The following MTFR2 variants were observed in gnomAD, a reference collection of about 807,000 sequenced individuals.
MTFR2 encodes the protein DUF729 domain-containing protein 1.
MTFR2 carries 44 observed loss-of-function variants against 41.2 expected under a neutral mutation model. That is an observed-to-expected ratio of 1.07 (90% CI 0.84 to 1.37). The LOEUF is 1.37. MTFR2 is among the 40% of genes most tolerant of loss of function. The probability of loss-of-function intolerance (pLI) is 0.00; values close to 1 mark genes in which losing one functional copy is unlikely to be tolerated. For missense variants in MTFR2, 452 were observed against 459.5 expected (o/e 0.98, Z 0.15); for synonymous variants, 141 against 154.6 (o/e 0.91, Z 0.65).
At chr6:136,232,575 A>G (rs1436846939) in intron 7 of MTFR2, among the ~76,000 whole-genome samples, 5 of 152,110 alleles carry the variant, frequency 3.3e-5, no homozygotes, top group Non-Finnish European at 5.9e-5. Context: ...GGCTCAATGC[A>G]TCTGAGTTTT....
rs377582788 is a variant in MTFR2, at chr6:136,240,721, T to A, written c.514+723A>T. ...ATAACTAAAAACTATAAACATATGA[T>A]GCCTCAAACCTATATCCTCTTTCAA... On this transcript the variant is annotated intron_variant, in intron 5 of 7. Transcript: ENST00000420702. Among the ~76,000 whole-genome samples the A allele has an allele frequency of 2.8e-4, 43 of 152,326 alleles. 1 individual carries two copies. The South Asian group carries it at 7.5e-3, about 26-fold the overall frequency.
At chr6:136,244,142 G>A (rs1583972808) in intron 3 of MTFR2, among the ~76,000 whole-genome samples, 2 of 152,064 alleles carry the variant, frequency 1.3e-5, no homozygotes, top group African/African-American at 4.8e-5. Context: ...TTGAAGAAAG[G>A]GTTTTTGTAT....
rs200860543 is a variant in MTFR2 at position 136,244,782 on chromosome 6, G to A, written c.151C>T (p.Arg51Ter). The change falls in exon 3 of 8, where the codon CGA becomes TGA. Residue 51 changes from arginine to a stop codon, truncating the protein, a stop_gained. Coordinates refer to ENST00000420702, the MANE Select transcript of MTFR2 (RefSeq NM_001099286.3). LOFTEE classifies it high-confidence loss of function. The part of the protein sequence containing the change: ...IGKMLPLEPC[R>*]RPNFELIPLL... ...TGACTTACCTCAAAATTAGGTCTTC[G>A]ACAAGGTTCCAGTGGAAGCATTTTC... is the stretch of plus-strand genomic sequence containing the variant. 1.1e-5 allele frequency: 18 copies of A among 1,611,274 alleles called. No homozygotes were observed. The Admixed American group carries it at 1.5e-4, about 13-fold the overall frequency.
chr6:136,246,812 A>G (rs886585130), intron 2 of MTFR2, among the ~76,000 whole-genome samples: 1 of 152,234 alleles, frequency 6.6e-6, no homozygotes, highest in Non-Finnish European at 1.5e-5. Flanking sequence ...CAAAACGACA[A>G]TATTTAGAAA....
intron 6 of MTFR2, among the ~76,000 whole-genome samples, chr6:136,234,972 C>T (rs891795263): frequency 6.6e-6 from 1 of 152,322 alleles, no homozygotes; most frequent in East Asian, 1.9e-4. Context: ...CTGCAACCTC[C>T]GCCTCCCGGG....
intron 6 of MTFR2, among the ~76,000 whole-genome samples, chr6:136,238,493 G>A (rs2128457697): frequency 6.6e-6 from 1 of 152,152 alleles, no homozygotes; most frequent in Non-Finnish European, 1.5e-5. Flanking sequence ...TATAGAAGTA[G>A]AAAGAAGAAT....
intron 6 of MTFR2, among the ~76,000 whole-genome samples, chr6:136,238,704 ACAC>A (rs1779969466): frequency 6.6e-6 from 1 of 151,786 alleles, no homozygotes; most frequent in Admixed American, 6.6e-5. Flanking sequence ...ACACACACAC[ACAC>A]ATGGAACTCA....
At chr6:136,243,475 G>A in intron 3 of MTFR2, among the ~76,000 whole-genome samples, 1 of 152,124 alleles carries the variant, frequency 6.6e-6, no homozygotes, top group East Asian at 1.9e-4. Flanking sequence ...GGGAGGCCAA[G>A]GCAGGAGGAT....
At chr6:136,242,413 T>C (rs966750288) in intron 4 of MTFR2, among the ~76,000 whole-genome samples, 1 of 152,206 alleles carries the variant, frequency 6.6e-6, no homozygotes, top group Non-Finnish European at 1.5e-5. Flanking sequence ...TTTAACTATT[T>C]GAAAATTGGT....
At chr6:136,232,450 G>C (rs1779789950) in intron 7 of MTFR2, among the ~76,000 whole-genome samples, 1 of 152,072 alleles carries the variant, frequency 6.6e-6, no homozygotes, top group South Asian at 2.1e-4. Context: ...GTAGAGACGA[G>C]GTTTCACCGT....
intron 2 of MTFR2, chr6:136,247,474 G>T: frequency 2.2e-6 from 1 of 455,286 alleles, no homozygotes; most frequent in South Asian, 1.6e-5. Flanking sequence ...CTCAAAGGCG[G>T]TGCTCAATCC....
At chr6:136,247,349 TA>T (rs879537795) in intron 2 of MTFR2, 43,734 of 289,998 alleles carry the variant, frequency 0.15, no homozygotes, top group South Asian at 0.27. Flanking sequence ...GACTCCATCT[TA>T]AAAAAAAAAA....
intron 3 of MTFR2, among the ~76,000 whole-genome samples, chr6:136,244,058 CAA>C (rs1367195648): frequency 1.3e-5 from 2 of 151,948 alleles, no homozygotes; most frequent in South Asian, 2.1e-4. Flanking sequence ...AGTATTATTA[CAA>C]AAGAGTCAAA....
At position 136,244,810 on chromosome 6, in the gene MTFR2, A is replaced by C; in HGVS notation, c.123T>G (p.Ile41Met). Residue 41 changes from isoleucine (I) to methionine (M), a missense_variant, in exon 3 of 8, where the codon ATT becomes ATG. Transcript: ENST00000420702. ...AAGGTTCCAGTGGAAGCATTTTCCC[A>C]ATAATACGAACAATACTCCTAGTTG... Reference protein sequence around the residue: ...YGSTRSIVRIIGKMLPLEPCR... With the variant: ...YGSTRSIVRIMGKMLPLEPCR... The C allele has an allele frequency of 6.2e-7, 1 of 1,612,914 alleles. No individual in the cohort carries two copies. The highest frequency in any genetic ancestry group is 1.7e-4 in the Middle Eastern group (1 of 6,036).
chr6:136,231,443 AG>A, intron 7 of MTFR2, 55 bp from the exon 8 acceptor site: 2 of 1,098,244 alleles, frequency 1.8e-6, no homozygotes, highest in Non-Finnish European at 2.6e-6. Flanking sequence ...AAAAAAAAAA[AG>A]AATGGCAAGA....
At chr6:136,236,906 C>A (rs1779921669) in intron 6 of MTFR2, among the ~76,000 whole-genome samples, 1 of 152,272 alleles carries the variant, frequency 6.6e-6, no homozygotes, top group Admixed American at 6.5e-5. Flanking sequence ...ATCTATATAT[C>A]CACAAGGACA....
At chr6:136,232,887 T>C (rs917851440) in intron 7 of MTFR2, among the ~76,000 whole-genome samples, 16 of 152,196 alleles carry the variant, frequency 1.1e-4, no homozygotes, top group African/African-American at 3.9e-4. Context: ...CTTTTTTACA[T>C]GCAGAGTTAA....
At chr6:136,237,615 G>C (rs571316347) in intron 6 of MTFR2, among the ~76,000 whole-genome samples, 1 of 151,880 alleles carries the variant, frequency 6.6e-6, no homozygotes, top group African/African-American at 2.4e-5. Context: ...TTCATGACCA[G>C]CCTGGCCAAC....
rs777375682 is a variant in MTFR2 at position 136,233,448 on chromosome 6, C to T, written c.921G>A (p.Trp307Ter). 14 of 1,591,844 alleles carry T rather than the reference C, an allele frequency of 8.8e-6. No individual in the cohort carries two copies. In the Middle Eastern group the frequency reaches 1.9e-3, roughly 219 times the overall value. ...CATGAGATATTAAAGAAACTGGATC[C>T]CAATGTGAATTCTGTCTTTTCCTCT... ...IHKRKRQNSH[W>*]DPVSLISHAL... The change falls in exon 7 of 8, where the codon TGG (tryptophan) becomes TGA (stop). Residue 307 changes from tryptophan (W) to a stop codon, truncating the protein, a stop_gained. Coordinates refer to ENST00000420702, the MANE Select transcript of MTFR2 (RefSeq NM_001099286.3). LOFTEE classifies it high-confidence loss of function.
Sources: allele counts gnomAD v4.1 joint callset (sites outside exome capture counted in the v4.1 genomes callset), GRCh38; gene constraint gnomAD v4.1.1; transcripts MANE v1.5; gene names NCBI Gene and HGNC (gene_info 2026-07-23, HGNC 2026-07-21).